The following WFDC1 variants were observed in gnomAD, a reference collection of about 807,000 sequenced individuals.
The protein encoded by WFDC1 is WAP four-disulfide core domain protein 1.
Under a neutral mutation model 32.9 loss-of-function variants are expected in WFDC1, and 39 were observed. That is an observed-to-expected ratio of 1.19 (90% CI 0.92 to 1.55). WFDC1 has a LOEUF of 1.55. Among genes scored for constraint, WFDC1 ranks in the 40% most tolerant of loss-of-function variants. The pLI, the probability that WFDC1 is intolerant of heterozygous loss-of-function variation, is 0.00. For synonymous variants in WFDC1, 184 were observed against 137.4 expected (o/e 1.34, Z -2.37); for missense variants, 386 against 309.5 (o/e 1.25, Z -1.85).
chr16:84,309,504 G>A (rs1907481166), intron 1 of WFDC1, among the ~76,000 whole-genome samples: 1 of 152,200 alleles, frequency 6.6e-6, no homozygotes, highest in South Asian at 2.1e-4. Flanking sequence ...TTGGGCCTGG[G>A]GTGGGGTTCA....
At chr16:84,311,221 T>G (rs1011299637) in intron 1 of WFDC1, among the ~76,000 whole-genome samples, 3 of 149,648 alleles carry the variant, frequency 2.0e-5, no homozygotes, top group Non-Finnish European at 3.0e-5. Context: ...CTCACCCATA[T>G]TCCTATATGT....
intron 2 of WFDC1, among the ~76,000 whole-genome samples, chr16:84,313,464 C>T (rs1907767733): frequency 6.6e-6 from 1 of 152,236 alleles, no homozygotes; most frequent in South Asian, 2.1e-4. Context: ...CACAGTCCAG[C>T]AGACACCCAT....
chr16:84,295,261 AG>A (rs1390476057), intron 1 of WFDC1, 146 bp downstream of exon 1: 2 of 1,098,130 alleles, frequency 1.8e-6, no homozygotes, highest in African/African-American at 1.6e-5. Context: ...TGTGTGTCTG[AG>A]TTGTGTGGTG....
At chr16:84,319,371 A>G in intron 3 of WFDC1, 60 bp from the exon 4 acceptor site, 2 of 1,585,756 alleles carry the variant, frequency 1.3e-6, no homozygotes, top group South Asian at 1.1e-5. Flanking sequence ...TCTAGACCCT[A>G]GCATGTGCAC....
chr16:84,326,100 CCCATCTAT>C (rs1315562222), intron 5 of WFDC1: 2 of 54,160 alleles, frequency 3.7e-5, no homozygotes, highest in African/African-American at 1.3e-4. Flanking sequence ...CATCCACCCA[CCCATCTAT>C]CCATCCATCC....
rs758802410 is a variant in WFDC1, at chr16:84,324,498, A to AC, written c.604+38_604+39insC. 17 of 1,551,098 alleles carry AC rather than the reference A, an allele frequency of 1.1e-5. No individual in the cohort carries two copies. In the Admixed American group the frequency reaches 1.9e-4, roughly 17 times the overall value. On this transcript the variant is annotated intron_variant, in intron 5 of 6. Transcript: ENST00000219454. ...ACTGTTCTTTCTTTCCAGAGGGCAC[A>AC]AAAAAAAGGCAGTGAAAGTTTCTTA...
chr16:84,324,300 T>C lies in WFDC1; in HGVS notation c.563-119T>C, dbSNP rs978498546. 17 of 866,104 alleles carry C rather than the reference T, an allele frequency of 2.0e-5. No homozygotes were observed. The South Asian group carries it at 2.3e-4, about 12-fold the overall frequency. 53.7% of individuals were successfully genotyped at this position (866,104 alleles called of 1,614,324 possible). ...CTCATGTAGCCTCTGAACAATTCCA[T>C]TGTACACTAGTGAGATGGGGAGACT... On this transcript the variant is annotated intron_variant, in intron 4 of 6. Coordinates refer to ENST00000219454, the MANE Select transcript of WFDC1 (RefSeq NM_021197.4).
chr16:84,302,524 C>T (rs539324546), intron 1 of WFDC1, among the ~76,000 whole-genome samples: 8 of 152,076 alleles, frequency 5.3e-5, no homozygotes, highest in South Asian at 2.1e-4. Flanking sequence ...GTGCCCACTC[C>T]GGCTCGTGGG....
At chr16:84,323,738 A>G (rs1908432582) in intron 4 of WFDC1, among the ~76,000 whole-genome samples, 1 of 152,272 alleles carries the variant, frequency 6.6e-6, no homozygotes, top group Admixed American at 6.5e-5. Flanking sequence ...CAGACTCAAA[A>G]GAGTGTCATC....
At chr16:84,324,880 G>A (rs964185188) in intron 5 of WFDC1, among the ~76,000 whole-genome samples, 11 of 146,354 alleles carry the variant, frequency 7.5e-5, no homozygotes, top group African/African-American at 2.0e-4. Context: ...TCCATCCACC[G>A]ATTCATCCAT....
chr16:84,314,147 G>C (rs1356392657), intron 2 of WFDC1, among the ~76,000 whole-genome samples: 1 of 152,252 alleles, frequency 6.6e-6, no homozygotes, highest in African/African-American at 2.4e-5. Flanking sequence ...CAGATAATGA[G>C]ATGTGTGTTG....
intron 1 of WFDC1, among the ~76,000 whole-genome samples, chr16:84,308,885 A>G (rs960489109): frequency 6.6e-5 from 10 of 152,214 alleles, no homozygotes; most frequent in African/African-American, 2.4e-4. Context: ...CTGGGCATAG[A>G]TGCCATCCTG....
chr16:84,317,850 C>A (rs57406759), intron 2 of WFDC1: 251 of 193,098 alleles, frequency 1.3e-3, no homozygotes, highest in African/African-American at 5.5e-3. Context: ...GCAGGTAGCT[C>A]TGCTCGCAAA....
chr16:84,296,663 C>T (rs991186374), intron 1 of WFDC1, among the ~76,000 whole-genome samples: 1 of 152,084 alleles, frequency 6.6e-6, no homozygotes, highest in African/African-American at 2.4e-5. Context: ...GACAGGAGGA[C>T]TTCGAGAAGT....
chr16:84,298,154 A>G (rs905657846), intron 1 of WFDC1, among the ~76,000 whole-genome samples: 6 of 151,716 alleles, frequency 4.0e-5, no homozygotes, highest in Non-Finnish European at 8.8e-5. Context: ...TTTTTTTAAG[A>G]CAGAGTCCCG....
chr16:84,308,245 C>T (rs1450140461), intron 1 of WFDC1, among the ~76,000 whole-genome samples: 2 of 152,134 alleles, frequency 1.3e-5, no homozygotes, highest in African/African-American at 4.8e-5. Context: ...AGCTGAAAAC[C>T]TCTGGCCTTG....
At chr16:84,312,549 C>T (rs1907692023) in intron 1 of WFDC1, among the ~76,000 whole-genome samples, 1 of 152,082 alleles carries the variant, frequency 6.6e-6, no homozygotes, top group East Asian at 1.9e-4. Context: ...GAAATCCACA[C>T]ATATGTACAT....
At chr16:84,304,997 G>C (rs1369925108) in intron 1 of WFDC1, among the ~76,000 whole-genome samples, 1 of 152,230 alleles carries the variant, frequency 6.6e-6, no homozygotes, top group Non-Finnish European at 1.5e-5. Flanking sequence ...AACGCCCATG[G>C]AGTAGGACAG....
intron 1 of WFDC1, among the ~76,000 whole-genome samples, chr16:84,296,054 G>A (rs1181905958): frequency 6.6e-6 from 1 of 152,156 alleles, no homozygotes; most frequent in Non-Finnish European, 1.5e-5. Context: ...GAGAGAGAAT[G>A]GGGTGGAGGA....
Sources: allele counts gnomAD v4.1 joint callset (sites outside exome capture counted in the v4.1 genomes callset), GRCh38; gene constraint gnomAD v4.1.1; transcripts MANE v1.5; gene names NCBI Gene and HGNC (gene_info 2026-07-23, HGNC 2026-07-21).